PVT1: variants seen among roughly 807,000 people sequenced by gnomAD.
The protein encoded by PVT1 is CXCR4/PVT1 fusion.
chr8:128,051,233 G>T (rs911848148), intron 4 of PVT1, among the ~76,000 whole-genome samples: 2 of 152,228 alleles, frequency 1.3e-5, no homozygotes, highest in African/African-American at 4.8e-5. Context: ...CAGTGAGGAG[G>T]TTGCATTATT....
At chr8:128,012,764 G>C (rs1168289458) in intron 4 of PVT1, among the ~76,000 whole-genome samples, 1 of 152,080 alleles carries the variant, frequency 6.6e-6, no homozygotes, top group Non-Finnish European at 1.5e-5. Flanking sequence ...AGTCACTCTA[G>C]GAGTTCCTAG....
At chr8:127,879,397 C>T (rs1450667877) in intron 2 of PVT1, among the ~76,000 whole-genome samples, 1 of 152,160 alleles carries the variant, frequency 6.6e-6, no homozygotes, top group Admixed American at 6.5e-5. Context: ...GGCGTGGTGG[C>T]AGGTGCCTGT....
intron 3 of PVT1, among the ~76,000 whole-genome samples, chr8:127,953,810 T>C (rs1275993984): frequency 2.6e-5 from 4 of 152,152 alleles, no homozygotes; most frequent in African/African-American, 2.4e-5. Context: ...TTTTCTTTCC[T>C]TTCCTCTTCT....
chr8:127,857,544 T>G (rs774312139), intron 2 of PVT1, among the ~76,000 whole-genome samples: 4 of 152,110 alleles, frequency 2.6e-5, no homozygotes, highest in Non-Finnish European at 5.9e-5. Context: ...TGGTGGTGTG[T>G]GCCTATAGTC....
intron 4 of PVT1, among the ~76,000 whole-genome samples, chr8:128,030,005 T>G (rs146327155): frequency 1.3e-5 from 2 of 152,256 alleles, no homozygotes; most frequent in African/African-American, 4.8e-5. Context: ...TTTCAGCTAC[T>G]TGGTGGCTGA....
chr8:127,821,862 T>G (rs1447571973), intron 2 of PVT1, among the ~76,000 whole-genome samples: 1 of 152,170 alleles, frequency 6.6e-6, no homozygotes, highest in African/African-American at 2.4e-5. Context: ...TGCATTATAT[T>G]TCCACTGGGC....
chr8:127,938,063 C>T (rs1816300922), intron 3 of PVT1, among the ~76,000 whole-genome samples: 1 of 152,100 alleles, frequency 6.6e-6, no homozygotes, highest in Admixed American at 6.5e-5. Context: ...AATCACTGGC[C>T]TTGTAACCTC....
In PVT1 at chr8:127,970,545, C is replaced by T. The variant is rs1214087869; in HGVS notation, n.783-18617C>T. 3.3e-5 allele frequency among the ~76,000 whole-genome samples: 5 copies of T among 151,932 alleles called. No individual in the cohort carries two copies. In the South Asian group the frequency reaches 6.2e-4, roughly 19 times the overall value. On this transcript the variant is annotated intron_variant and non_coding_transcript_variant, in intron 3 of 10. Coordinates refer to ENST00000651587, the Ensembl canonical transcript of PVT1. ...TGATCTTCTGGCCTCGTGATCCGCC[C>T]GCCTCGGCCTCCCAAAATGCTGGGA...
chr8:127,831,526 A>G (rs909761027), intron 2 of PVT1, among the ~76,000 whole-genome samples: 3 of 152,164 alleles, frequency 2.0e-5, no homozygotes, highest in Admixed American at 6.6e-5. Context: ...CATTTGGAAG[A>G]TTTTGGCAGA....
Position 127,805,087 on chromosome 8 carries a change from C to T in PVT1, n.372+9016C>T, listed in dbSNP as rs143444806. ...CTGGCATTACAGGCGCTCACCACCA[C>T]GCCCGGCTAATTTTGTGTTTTTAGT... On this transcript the variant is annotated intron_variant and non_coding_transcript_variant, in intron 2 of 10. Coordinates refer to ENST00000651587, the Ensembl canonical transcript of PVT1. Among the ~76,000 whole-genome samples the T allele has an allele frequency of 8.8e-3, 1,330 of 151,804 alleles. 9 individuals carry two copies. Among genetic ancestry groups the T allele is most frequent in the South Asian group, 0.029 (137 of 4,792 alleles).
intron 3 of PVT1, among the ~76,000 whole-genome samples, chr8:127,909,626 G>T (rs1586431725): frequency 6.6e-6 from 1 of 152,170 alleles, no homozygotes. Context: ...GAACTGAGTG[G>T]ATTGGACCTT....
At chr8:128,003,053 A>G (rs1413594828) in intron 4 of PVT1, among the ~76,000 whole-genome samples, 2 of 137,822 alleles carry the variant, frequency 1.5e-5, no homozygotes, top group African/African-American at 2.8e-5. Context: ...GCTGGAGTGC[A>G]GTGGTGCAAT....
intron 1 of PVT1, among the ~76,000 whole-genome samples, chr8:127,795,013 G>A (rs1291738729): frequency 6.6e-6 from 1 of 152,110 alleles, no homozygotes; most frequent in Non-Finnish European, 1.5e-5. Context: ...TCTAAAAATA[G>A]ACCCCTCTGC....
At chr8:127,870,873 A>C (rs761221423) in intron 2 of PVT1, among the ~76,000 whole-genome samples, 2 of 152,194 alleles carry the variant, frequency 1.3e-5, no homozygotes, top group Non-Finnish European at 2.9e-5. Flanking sequence ...TATTATTTAT[A>C]CTGTTTGCCA....
At chr8:128,021,340 C>G (rs1017492141) in intron 4 of PVT1, among the ~76,000 whole-genome samples, 3 of 124,400 alleles carry the variant, frequency 2.4e-5, no homozygotes, top group Non-Finnish European at 4.7e-5. Flanking sequence ...GTTGCTCAGG[C>G]TGGAGCACGG....
At chr8:127,926,104 G>A (rs761675178) in intron 3 of PVT1, among the ~76,000 whole-genome samples, 1 of 152,140 alleles carries the variant, frequency 6.6e-6, no homozygotes, top group Non-Finnish European at 1.5e-5. Flanking sequence ...TCCAGTCATG[G>A]TCTCTGGCCG....
At chr8:127,847,230 G>A (rs1381085949) in intron 2 of PVT1, among the ~76,000 whole-genome samples, 1 of 151,712 alleles carries the variant, frequency 6.6e-6, no homozygotes, top group Non-Finnish European at 1.5e-5. Context: ...CGAACTCTTG[G>A]CCCCAAATGA....
chr8:127,893,202 T>C (rs1430684567), intron 3 of PVT1, among the ~76,000 whole-genome samples: 1 of 152,212 alleles, frequency 6.6e-6, no homozygotes, highest in Non-Finnish European at 1.5e-5. Flanking sequence ...GTTTTTCCAT[T>C]CAAACCTCAA....
chr8:127,896,370 T>C (rs1027191370), intron 3 of PVT1, among the ~76,000 whole-genome samples: 5 of 152,014 alleles, frequency 3.3e-5, no homozygotes, highest in African/African-American at 1.2e-4. Context: ...AATGCTAACT[T>C]GAGTGGGCTT....
Sources: gnomAD v4.1 joint callset for allele counts (sites outside exome capture counted in the v4.1 genomes callset) on GRCh38, gnomAD v4.1.1 for gene constraint, MANE v1.5 for transcripts, NCBI Gene and HGNC (gene_info 2026-07-23, HGNC 2026-07-21) for gene names.